The following GRIK1 variants were observed in gnomAD, a reference collection of about 807,000 sequenced individuals.
The protein encoded by GRIK1 is glutamate ionotropic receptor kainate type subunit 1.
Under a neutral mutation model 105.7 loss-of-function variants are expected in GRIK1, and 69 were observed. The observed-to-expected ratio is 0.65, with a 90% CI of 0.54 to 0.80. GRIK1 has a LOEUF of 0.80. GRIK1 is among the 30% of genes least tolerant of loss of function. GRIK1 has a pLI of 0.00. For missense variants in GRIK1, 1,109 were observed against 1,167.3 expected, an observed-to-expected ratio of 0.95 and a Z score of 0.73; for synonymous variants, 438 against 431.3, an observed-to-expected ratio of 1.02 and a Z score of -0.19.
At chr21:29,881,518 A>G (rs542831900) in intron 1 of GRIK1, among the ~76,000 whole-genome samples, 1 of 152,222 alleles carries the variant, frequency 6.6e-6, no homozygotes, top group East Asian at 1.9e-4. Context: ...TTCATCTAAC[A>G]CATGTATCTG....
At chr21:29,866,686 C>T (rs776496798) in intron 1 of GRIK1, among the ~76,000 whole-genome samples, 13 of 152,150 alleles carry the variant, frequency 8.5e-5, no homozygotes, top group Non-Finnish European at 1.8e-4. Flanking sequence ...ATAATGAAGA[C>T]GTCAAAGATT....
chr21:29,716,784 A>G (rs2146838580), intron 1 of GRIK1, among the ~76,000 whole-genome samples: 1 of 152,348 alleles, frequency 6.6e-6, no homozygotes, highest in South Asian at 2.1e-4. Context: ...CATTTTCTGG[A>G]GAGAAATTCA....
At chr21:29,927,313 A>G (rs1311163360) in intron 1 of GRIK1, among the ~76,000 whole-genome samples, 1 of 151,000 alleles carries the variant, frequency 6.6e-6, no homozygotes, top group Admixed American at 6.6e-5. Context: ...GTGTAATGAT[A>G]TATATGTAAT....
intron 1 of GRIK1, among the ~76,000 whole-genome samples, chr21:29,751,346 C>T (rs2145646564): frequency 6.6e-6 from 1 of 152,202 alleles, no homozygotes; most frequent in African/African-American, 2.4e-5. Context: ...CTCACACCAC[C>T]CCTACTGCAG....
At chr21:29,775,042 G>A (rs1031608557) in intron 1 of GRIK1, among the ~76,000 whole-genome samples, 2 of 152,070 alleles carry the variant, frequency 1.3e-5, no homozygotes, top group Non-Finnish European at 2.9e-5. Context: ...AACTCAGCCA[G>A]GCATGGTAGC....
intron 1 of GRIK1, among the ~76,000 whole-genome samples, chr21:29,807,329 G>A (rs187855204): frequency 1.3e-5 from 2 of 152,218 alleles, no homozygotes; most frequent in Admixed American, 1.3e-4. Context: ...CACATTCTTG[G>A]TGGCAGTACA....
chr21:29,882,667 G>A (rs1359401398), intron 1 of GRIK1, among the ~76,000 whole-genome samples: 1 of 152,040 alleles, frequency 6.6e-6, no homozygotes, highest in African/African-American at 2.4e-5. Context: ...CCGAAATGAG[G>A]GTCCTTGGGA....
At chr21:29,580,860 A>G (rs1297282154) in intron 13 of GRIK1, among the ~76,000 whole-genome samples, 1 of 152,128 alleles carries the variant, frequency 6.6e-6, no homozygotes, top group Admixed American at 6.6e-5. Flanking sequence ...AAATGTATAA[A>G]ATATATTACA....
At chr21:29,832,758 AG>A (rs1569142114) in intron 1 of GRIK1, among the ~76,000 whole-genome samples, 1 of 152,146 alleles carries the variant, frequency 6.6e-6, no homozygotes, top group Non-Finnish European at 1.5e-5. Context: ...GCTTCCTTCA[AG>A]GCATTTTTTC....
intron 1 of GRIK1, among the ~76,000 whole-genome samples, chr21:29,800,190 G>A (rs2066664789): frequency 6.6e-6 from 1 of 152,148 alleles, no homozygotes; most frequent in Non-Finnish European, 1.5e-5. Context: ...CTTTCTTAAA[G>A]CCTACATAGC....
chr21:29,612,810 C>G (rs1224952584), intron 7 of GRIK1, among the ~76,000 whole-genome samples: 1 of 152,154 alleles, frequency 6.6e-6, no homozygotes, highest in African/African-American at 2.4e-5. Flanking sequence ...ATAGGCTATG[C>G]ATTGATTTTC....
chr21:29,614,090 G>GT (rs1207687741), intron 7 of GRIK1, among the ~76,000 whole-genome samples: 2 of 151,986 alleles, frequency 1.3e-5, no homozygotes, highest in African/African-American at 2.4e-5. Context: ...CTCAAACCAA[G>GT]TTTTTTTCCC....
chr21:29,876,011 G>A (rs1214871106), intron 1 of GRIK1, among the ~76,000 whole-genome samples: 2 of 152,094 alleles, frequency 1.3e-5, no homozygotes, highest in African/African-American at 2.4e-5. Flanking sequence ...ATGAAATGGT[G>A]ATATAATTCT....
Position 29,674,077 on chromosome 21 carries a change from G to GT in GRIK1, c.545-914dup, listed in dbSNP as rs914431637. On this transcript the variant is annotated intron_variant, in intron 3 of 17. Coordinates refer to ENST00000327783, the MANE Select transcript of GRIK1 (RefSeq NM_001330994.2). The stretch of plus-strand genomic sequence containing the variant: ...GAAAAATTGAGTTTTTTTTTTTGTT[G>GT]TTTTTTTTTTTTAGTATGCAGTTCT... Among the ~76,000 whole-genome samples, 432 of 137,872 alleles carry GT rather than the reference G, an allele frequency of 3.1e-3. 3 individuals carry two copies. The highest frequency in any genetic ancestry group is 0.012 in the East Asian group (55 of 4,688). 90.4% of individuals were successfully genotyped at this position (137,872 alleles called of 152,430 possible). A position where few individuals can be genotyped will look rare whatever the true frequency, so the allele number is the denominator to read the frequency against.
chr21:29,778,151 T>C (rs2065998051), intron 1 of GRIK1, among the ~76,000 whole-genome samples: 1 of 152,152 alleles, frequency 6.6e-6, no homozygotes, highest in South Asian at 2.1e-4. Flanking sequence ...CTTCTCAATT[T>C]AGTATACATG....
At chr21:29,592,897 C>A (rs1330446128) in intron 9 of GRIK1, among the ~76,000 whole-genome samples, 1 of 152,176 alleles carries the variant, frequency 6.6e-6, no homozygotes, top group Non-Finnish European at 1.5e-5. Context: ...TGGACCCGCT[C>A]TGAGATGGAC....
At chr21:29,881,797 T>C (rs1377954303) in intron 1 of GRIK1, among the ~76,000 whole-genome samples, 1 of 152,176 alleles carries the variant, frequency 6.6e-6, no homozygotes, top group Non-Finnish European at 1.5e-5. Context: ...ACTTTTTATA[T>C]TTACTATCTT....
At position 29,687,484 on chromosome 21, in the gene GRIK1, A is replaced by G. The variant is rs555872308; in HGVS notation, c.544+2244T>C. Among the ~76,000 whole-genome samples the G allele has an allele frequency of 3.9e-5, 6 of 152,292 alleles. No individual in the cohort carries two copies. In the South Asian group the frequency reaches 1.2e-3, roughly 32 times the overall value. On this transcript the variant is annotated intron_variant, in intron 3 of 17. Coordinates refer to ENST00000327783, the MANE Select transcript of GRIK1 (RefSeq NM_001330994.2). ...CTCTGGGTTCCAATTTAATGGCTCA[A>G]TTGATTATTCATTTACATTTTTAAT...
At chr21:29,638,166 A>G (rs2062435221) in intron 7 of GRIK1, among the ~76,000 whole-genome samples, 1 of 151,890 alleles carries the variant, frequency 6.6e-6, no homozygotes, top group Admixed American at 6.6e-5. Context: ...TTTTTTTTAA[A>G]TAAAGGAAAG....
Sources: gnomAD v4.1 joint callset for allele counts (sites outside exome capture counted in the v4.1 genomes callset) on GRCh38, gnomAD v4.1.1 for gene constraint, MANE v1.5 for transcripts, NCBI Gene and HGNC (gene_info 2026-07-23, HGNC 2026-07-21) for gene names.